SMAD2: variants seen among roughly 807,000 people sequenced by gnomAD.
The protein encoded by SMAD2 is SMAD family member 2, also known as MAD homolog 2.
A neutral mutation model predicts 64.4 loss-of-function variants in SMAD2; 8 were observed. The ratio of observed to expected loss-of-function variants is 0.12; its 90% CI spans 0.07 to 0.22. SMAD2 has a LOEUF of 0.22. Among genes scored for constraint, SMAD2 ranks in the 10% least tolerant of loss-of-function variants. The pLI is 1.00. For synonymous variants in SMAD2, 203 were observed against 195.8 expected, an observed-to-expected ratio of 1.04 and a Z score of -0.31; for missense variants, 289 against 561.2, an observed-to-expected ratio of 0.51 and a Z score of 4.90.
At chr18:47,855,142 A>G (rs1300597600) in intron 6 of SMAD2, among the ~76,000 whole-genome samples, 3 of 152,200 alleles carry the variant, frequency 2.0e-5, no homozygotes, top group Non-Finnish European at 4.4e-5. Flanking sequence ...CTTAAGCAAA[A>G]TAATTGTACA....
At position 47,841,960 on chromosome 18, in the gene SMAD2, A is replaced by C. The variant is rs1025410362; in HGVS notation, c.1281-10T>G. The C allele has an allele frequency of 1.1e-5, 18 of 1,613,960 alleles. No individual in the cohort carries two copies. The highest frequency in any genetic ancestry group is 1.4e-5 in the Non-Finnish European group (17 of 1,179,942). On this transcript the variant is annotated splice_polypyrimidine_tract_variant and intron_variant, in intron 10 of 10. Coordinates refer to ENST00000262160, the MANE Select transcript of SMAD2 (RefSeq NM_005901.6). Reference sequence around the variant, plus strand: ...TGTTACCGTCTGCCTTCTGTTTAAAAGAATACAGGAAAATGATTATGAAAT... The same window carrying C: ...TGTTACCGTCTGCCTTCTGTTTAAACGAATACAGGAAAATGATTATGAAAT...
intron 1 of SMAD2, among the ~76,000 whole-genome samples, chr18:47,919,506 ACACACACACACAC>A (rs2034478144): frequency 2.8e-5 from 4 of 143,844 alleles, no homozygotes; most frequent in Non-Finnish European, 6.0e-5. Context: ...ACACACACAC[ACACACACACACAC>A]AAAGAATAGG....
At chr18:47,850,241 ATATAT>A (rs1465361938) in intron 7 of SMAD2, among the ~76,000 whole-genome samples, 33 of 92,396 alleles carry the variant, frequency 3.6e-4, no homozygotes, top group East Asian at 2.4e-3. Flanking sequence ...ATTATATATT[ATATAT>A]TATATATATT....
rs776888246 is a variant in SMAD2, at chr18:47,823,804, C to G, written c.*18023G>C. The G allele has an allele frequency of 6.6e-6, 1 of 152,188 alleles. No homozygotes were observed. Among genetic ancestry groups the G allele is most frequent in the Non-Finnish European group, 1.5e-5 (1 of 68,014 alleles). The allele number at this position is 152,188 out of a possible 1,614,324, so 9.4% of individuals were successfully genotyped here. A position where few individuals can be genotyped will look rare whatever the true frequency, so the allele number is the denominator to read the frequency against. On this transcript the variant is annotated 3_prime_UTR_variant, in exon 11 of 11. Coordinates refer to ENST00000262160, the MANE Select transcript of SMAD2 (RefSeq NM_005901.6). ...TATGCAAACTGGGATTGTCACATTA[C>G]TATTAATTTTGTGTATTTCCTTTTT...
At chr18:47,880,023 C>G (rs1182264470) in intron 2 of SMAD2, among the ~76,000 whole-genome samples, 1 of 152,176 alleles carries the variant, frequency 6.6e-6, no homozygotes, top group Non-Finnish European at 1.5e-5. Context: ...ATTAGGCTAT[C>G]TTTACATTAC....
intron 6 of SMAD2, among the ~76,000 whole-genome samples, chr18:47,863,955 G>C (rs1257542744): frequency 6.6e-6 from 1 of 151,944 alleles, no homozygotes; most frequent in Non-Finnish European, 1.5e-5. Flanking sequence ...GTCCTTTTTT[G>C]ATTATAGCAT....
intron 2 of SMAD2, chr18:47,878,245 A>C (rs569079276): frequency 1.3e-5 from 2 of 152,198 alleles, no homozygotes; most frequent in Non-Finnish European, 2.9e-5. Context: ...AAAATAAACT[A>C]ATACCAAGTC....
rs1421131924 is a variant in SMAD2 at position 47,824,600 on chromosome 18, AGTT to A, written c.*17224_*17226del. 6.6e-6 allele frequency: 1 copy of A among 152,212 alleles called. No individual in the cohort carries two copies. Among genetic ancestry groups the A allele is most frequent in the East Asian group, 1.9e-4 (1 of 5,196 alleles). The allele number at this position is 152,212 out of a possible 1,614,324, so 9.4% of individuals were successfully genotyped here. A position where few individuals can be genotyped will look rare whatever the true frequency, so the allele number is the denominator to read the frequency against. On this transcript the variant is annotated 3_prime_UTR_variant, in exon 11 of 11. Transcript: ENST00000262160. ...GAAAGCCTCTGTTATTTAGGTTGAC[AGTT>A]ATTACACCTGAAAACTAAATTCTAG... is the stretch of plus-strand genomic sequence containing the variant.
In SMAD2 at chr18:47,826,661, T is replaced by C. The variant is rs1481544866; in HGVS notation, c.*15166A>G. On this transcript the variant is annotated 3_prime_UTR_variant, in exon 11 of 11. Coordinates refer to ENST00000262160, the MANE Select transcript of SMAD2 (RefSeq NM_005901.6). ...ACTTATCTAATTCATAAACTGTTTATTGCTGCACACCACTGGGTTTTTGTG... is the reference window on the plus strand; with the variant it reads ...ACTTATCTAATTCATAAACTGTTTACTGCTGCACACCACTGGGTTTTTGTG... The C allele has an allele frequency of 6.6e-6, 1 of 152,236 alleles. No homozygotes were observed. Among genetic ancestry groups the C allele is most frequent in the African/African-American group, 2.4e-5 (1 of 41,470 alleles). The allele number at this position is 152,236 out of a possible 1,614,324, so 9.4% of individuals were successfully genotyped here. A position where few individuals can be genotyped will look rare whatever the true frequency, so the allele number is the denominator to read the frequency against.
chr18:47,856,197 G>T (rs902808370), intron 6 of SMAD2, among the ~76,000 whole-genome samples: 1 of 151,962 alleles, frequency 6.6e-6, no homozygotes, highest in East Asian at 1.9e-4. Flanking sequence ...ATTACAGGTT[G>T]GGGGGAAAAT....
chr18:47,919,520 A>AC (rs1568117007), intron 1 of SMAD2, among the ~76,000 whole-genome samples: 33 of 145,956 alleles, frequency 2.3e-4, no homozygotes, highest in African/African-American at 6.8e-4. Flanking sequence ...ACACACACAC[A>AC]AAGAATAGGA....
intron 2 of SMAD2, among the ~76,000 whole-genome samples, chr18:47,872,963 G>A (rs1043257447): frequency 6.6e-6 from 1 of 152,152 alleles, no homozygotes; most frequent in Non-Finnish European, 1.5e-5. Flanking sequence ...CCAGCCTCAA[G>A]TAGTTCTCCA....
Position 47,839,026 on chromosome 18 carries a change from A to G in SMAD2, c.*2801T>C, listed in dbSNP as rs201311590. The G allele has an allele frequency of 2.6e-5, 1 of 38,868 alleles. No homozygotes were observed. The highest frequency in any genetic ancestry group is 4.6e-4 in the Admixed American group (1 of 2,192). 2.4% of individuals were successfully genotyped at this position (38,868 alleles called of 1,614,324 possible). On this transcript the variant is annotated 3_prime_UTR_variant, in exon 11 of 11. Transcript: ENST00000262160. ...ATAAATGGGGGGAGGGGCAGAAAAC[A>G]AAAAAAAAATCAGGCCACAGTAGAT...
In SMAD2 at chr18:47,905,699, T is replaced by C. The variant is rs545143514; in HGVS notation, c.-53-8890A>G. ...AACAACTTTTCAACAACATGGAAAA[T>C]AACAAGCCTCAACCACAAGTGCATA... On this transcript the variant is annotated intron_variant, in intron 1 of 10. Transcript: ENST00000262160. Among the ~76,000 whole-genome samples, 5 of 152,136 alleles carry C rather than the reference T, an allele frequency of 3.3e-5. No individual in the cohort carries two copies. The East Asian group carries it at 9.6e-4, about 29-fold the overall frequency.
chr18:47,913,226 C>G (rs1436953107), intron 1 of SMAD2, among the ~76,000 whole-genome samples: 2 of 152,150 alleles, frequency 1.3e-5, no homozygotes, highest in Non-Finnish European at 2.9e-5. Flanking sequence ...CAGCCTGTTA[C>G]ACTTTCGTTA....
rs891424762 is a variant in SMAD2 at position 47,834,950 on chromosome 18, T to C, written c.*6877A>G. ...GATTACAAAGGCCCAGAATGTTACT[T>C]TTAACTGTGCTCCACCAGGAGGTCT... On this transcript the variant is annotated 3_prime_UTR_variant, in exon 11 of 11. Coordinates refer to ENST00000262160, the MANE Select transcript of SMAD2 (RefSeq NM_005901.6). 3.1e-5 allele frequency: 7 copies of C among 223,360 alleles called. No individual in the cohort carries two copies. Among genetic ancestry groups the C allele is most frequent in the African/African-American group, 1.6e-4 (7 of 44,804 alleles). 13.8% of individuals were successfully genotyped at this position (223,360 alleles called of 1,614,324 possible).
At chr18:47,902,560 C>T (rs2033727128) in intron 1 of SMAD2, among the ~76,000 whole-genome samples, 1 of 152,226 alleles carries the variant, frequency 6.6e-6, no homozygotes, top group Non-Finnish European at 1.5e-5. Flanking sequence ...AAACGTAGCC[C>T]TGAGAAAATC....
intron 3 of SMAD2, among the ~76,000 whole-genome samples, chr18:47,869,918 G>A (rs2031829951): frequency 1.3e-5 from 2 of 152,234 alleles, no homozygotes; most frequent in Admixed American, 6.5e-5. Context: ...AGTTGTGACT[G>A]TTTTGAGAAC....
intron 6 of SMAD2, among the ~76,000 whole-genome samples, chr18:47,863,825 A>G (rs1341992113): frequency 6.6e-6 from 1 of 152,086 alleles, no homozygotes; most frequent in African/African-American, 2.4e-5. Context: ...CAATATGTTA[A>G]CTCTGTATTT....
Sources: allele counts gnomAD v4.1 joint callset (sites outside exome capture counted in the v4.1 genomes callset), GRCh38; gene constraint gnomAD v4.1.1; transcripts MANE v1.5; gene names NCBI Gene and HGNC (gene_info 2026-07-23, HGNC 2026-07-21).